Variants in CPEB1 observed in about 807,000 individuals in gnomAD.
The protein encoded by CPEB1 is cytoplasmic polyadenylation element binding protein 1.
CPEB1 carries 7 observed loss-of-function variants against 65.8 expected under a neutral mutation model. The ratio of observed to expected loss-of-function variants is 0.11; its 90% CI spans 0.06 to 0.20. The LOEUF is 0.20. Among genes scored for constraint, CPEB1 ranks in the 10% least tolerant of loss-of-function variants. The pLI, the probability that CPEB1 is intolerant of heterozygous loss-of-function variation, is 1.00. For synonymous variants in CPEB1, 262 were observed against 260.0 expected (o/e 1.01, Z -0.08); for missense variants, 551 against 712.2 (o/e 0.77, Z 2.58).
At chr15:82,553,797 TG>T in intron 7 of CPEB1, 80 bp downstream of exon 7, 1 of 1,021,642 alleles carries the variant, frequency 9.8e-7, no homozygotes, top group Non-Finnish European at 1.5e-6. Context: ...ATTCAGCCCC[TG>T]GCCTCAATTC....
intron 3 of CPEB1, among the ~76,000 whole-genome samples, chr15:82,579,062 A>G (rs560389274): frequency 2.4e-4 from 37 of 152,250 alleles, no homozygotes; most frequent in African/African-American, 8.2e-4. Flanking sequence ...ACCTCATGTG[A>G]TCTACCCACC....
chr15:82,620,563 C>T (rs1350922398), intron 3 of CPEB1, among the ~76,000 whole-genome samples: 1 of 152,004 alleles, frequency 6.6e-6, no homozygotes, highest in Non-Finnish European at 1.5e-5. Context: ...TTTCGGAAGC[C>T]AAGGCAAGGA....
chr15:82,618,777 A>G (rs1437703399), intron 3 of CPEB1, among the ~76,000 whole-genome samples: 1 of 152,228 alleles, frequency 6.6e-6, no homozygotes, highest in African/African-American at 2.4e-5. Context: ...AGAATCTGCA[A>G]GACATCTACA....
At position 82,543,600 on chromosome 15, in the gene CPEB1, G is replaced by A. The variant is rs1414752565; in HGVS notation, c.*992C>T. On this transcript the variant is annotated 3_prime_UTR_variant, in exon 13 of 13. Coordinates refer to ENST00000684509, the MANE Select transcript of CPEB1 (RefSeq NM_001365242.1). ...AGGGAAGGGTACTTGCCCCCTCTAAGAGAAAGGGCTCCTGTGAGCCTTCAT... is the reference window on the plus strand; with the variant it reads ...AGGGAAGGGTACTTGCCCCCTCTAAAAGAAAGGGCTCCTGTGAGCCTTCAT... 2 of 151,282 alleles carry A rather than the reference G, an allele frequency of 1.3e-5. No individual in the cohort carries two copies. Among genetic ancestry groups the A allele is most frequent in the African/African-American group, 4.9e-5 (2 of 40,982 alleles). The allele number at this position is 151,282 out of a possible 1,614,324, so 9.4% of individuals were successfully genotyped here. A position where few individuals can be genotyped will look rare whatever the true frequency, so the allele number is the denominator to read the frequency against.
chr15:82,586,243 CA>C (rs11313085), intron 3 of CPEB1, among the ~76,000 whole-genome samples: 2,285 of 110,862 alleles, frequency 0.021, 13 homozygotes, highest in Non-Finnish European at 0.028. Flanking sequence ...TTTTCAGATA[CA>C]AAAAAAAAAA....
Position 82,544,431 on chromosome 15 carries a change from A to G in CPEB1, c.*161T>C. ...TGACAAAACTCAATGTGCATTAATT[A>G]GTGCAGAAACAAAGACAGATTCAGC... On this transcript the variant is annotated 3_prime_UTR_variant, in exon 13 of 13. Coordinates refer to ENST00000684509, the MANE Select transcript of CPEB1 (RefSeq NM_001365242.1). 1 of 605,610 alleles carries G rather than the reference A, an allele frequency of 1.7e-6. No individual in the cohort carries two copies. The highest frequency in any genetic ancestry group is 1.9e-5 in the African/African-American group (1 of 53,788). 37.5% of individuals were successfully genotyped at this position (605,610 alleles called of 1,614,324 possible).
In CPEB1 at chr15:82,543,634, A is replaced by G. The variant is rs2034678859; in HGVS notation, c.*958T>C. 1 of 151,378 alleles carries G rather than the reference A, an allele frequency of 6.6e-6. No homozygotes were observed. The allele number at this position is 151,378 out of a possible 1,614,324, so 9.4% of individuals were successfully genotyped here. On this transcript the variant is annotated 3_prime_UTR_variant, in exon 13 of 13. Coordinates refer to ENST00000684509, the MANE Select transcript of CPEB1 (RefSeq NM_001365242.1). ...CTCCTGTGAGCCTTCATCTGCCCCC[A>G]CCGAAAAGCAGCCCTTTTTAGCTCA...
In CPEB1 at chr15:82,549,415, C is replaced by T. The variant is rs2277566; in HGVS notation, c.1480+45G>A. The T allele has an allele frequency of 1.7e-3, 2,704 of 1,609,102 alleles. 61 individuals are homozygous for T. In the East Asian group the frequency reaches 0.054, roughly 32 times the overall value. ...GGAAGTATCACAATCTTGGTCTACT[C>T]CCAGGGGCCAACCAAGCTTTCGCAC... On this transcript the variant is annotated intron_variant, in intron 10 of 12. Coordinates refer to ENST00000684509, the MANE Select transcript of CPEB1 (RefSeq NM_001365242.1).
chr15:82,598,846 G>A (rs1045789315), intron 3 of CPEB1, among the ~76,000 whole-genome samples: 3 of 151,986 alleles, frequency 2.0e-5, no homozygotes, highest in African/African-American at 4.8e-5. Context: ...AACCAATATT[G>A]ACCAAATATT....
At chr15:82,619,236 C>T (rs916265408) in intron 3 of CPEB1, among the ~76,000 whole-genome samples, 4 of 152,218 alleles carry the variant, frequency 2.6e-5, no homozygotes, top group African/African-American at 7.2e-5. Flanking sequence ...GCTGAGTCAA[C>T]TGGCTATCCA....
At chr15:82,576,348 AGT>A in intron 3 of CPEB1, among the ~76,000 whole-genome samples, 1 of 152,232 alleles carries the variant, frequency 6.6e-6, no homozygotes, top group Admixed American at 6.5e-5. Flanking sequence ...TGATGCTAAC[AGT>A]GTGTATATTT....
chr15:82,629,544 C>CA (rs781215715), intron 1 of CPEB1: 3 of 985,296 alleles, frequency 3.0e-6, no homozygotes, highest in Non-Finnish European at 3.6e-6. Context: ...ACCAGATGCC[C>CA]AAAGCAGAAA....
At chr15:82,619,490 G>A (rs2045092358) in intron 3 of CPEB1, among the ~76,000 whole-genome samples, 1 of 152,082 alleles carries the variant, frequency 6.6e-6, no homozygotes. Flanking sequence ...CCAATTAAGA[G>A]TACAAAGACA....
intron 4 of CPEB1, among the ~76,000 whole-genome samples, chr15:82,561,763 T>C (rs1012674660): frequency 3.2e-4 from 48 of 152,194 alleles, no homozygotes; most frequent in African/African-American, 1.1e-3. Flanking sequence ...TCTTGAGGCT[T>C]TGTCAAATTC....
Position 82,543,572 on chromosome 15 carries a change from A to G in CPEB1, c.*1020T>C, listed in dbSNP as rs1230283082. The G allele has an allele frequency of 1.3e-5, 2 of 152,282 alleles. No individual in the cohort carries two copies. Among genetic ancestry groups the G allele is most frequent in the African/African-American group, 4.8e-5 (2 of 41,334 alleles). 9.4% of individuals were successfully genotyped at this position (152,282 alleles called of 1,614,324 possible). A position where few individuals can be genotyped will look rare whatever the true frequency, so the allele number is the denominator to read the frequency against. On this transcript the variant is annotated 3_prime_UTR_variant, in exon 13 of 13. Transcript: ENST00000684509. ...CTCATACATTCCTCAAATTAAAGAT[A>G]TAAGGGAAGGGTACTTGCCCCCTCT... is the stretch of plus-strand genomic sequence containing the variant.
Position 82,557,985 on chromosome 15 carries a change from T to G in CPEB1, c.462A>C (p.Val154=). The change falls in exon 5 of 13, where the codon GTA becomes GTC. Residue 154 remains valine, a splice_region_variant and synonymous_variant. Coordinates refer to ENST00000684509, the MANE Select transcript of CPEB1 (RefSeq NM_001365242.1). ...DSSAQSSTHS[V]LSMLHNPLGN... Reference sequence around the variant, plus strand: ...CCAGTGGGTTATGGAGCATGCTCAGTACTAGGAGGACAAAAAAGGAAACCT... The same window carrying G: ...CCAGTGGGTTATGGAGCATGCTCAGGACTAGGAGGACAAAAAAGGAAACCT... 6.4e-7 allele frequency: 1 copy of G among 1,565,160 alleles called. No individual in the cohort carries two copies. The highest frequency in any genetic ancestry group is 8.7e-7 in the Non-Finnish European group (1 of 1,155,834).
chr15:82,616,915 C>T (rs1244298578), intron 3 of CPEB1, among the ~76,000 whole-genome samples: 1 of 152,172 alleles, frequency 6.6e-6, no homozygotes, highest in Non-Finnish European at 1.5e-5. Context: ...TATGTTTCAA[C>T]CTATGTATAC....
At chr15:82,632,601 G>T (rs1429091126) in intron 1 of CPEB1, among the ~76,000 whole-genome samples, 2 of 152,044 alleles carry the variant, frequency 1.3e-5, no homozygotes, top group Non-Finnish European at 2.9e-5. Flanking sequence ...CTGCAGCCTT[G>T]ATCTCCTGGG....
chr15:82,576,763 G>C (rs987869166), intron 3 of CPEB1, among the ~76,000 whole-genome samples: 2 of 152,140 alleles, frequency 1.3e-5, no homozygotes, highest in Non-Finnish European at 2.9e-5. Flanking sequence ...TGGCTCATAC[G>C]TGTAGTCCCA....
Sources: allele counts gnomAD v4.1 joint callset (sites outside exome capture counted in the v4.1 genomes callset), GRCh38; gene constraint gnomAD v4.1.1; transcripts MANE v1.5; gene names NCBI Gene and HGNC (gene_info 2026-07-23, HGNC 2026-07-21).